The following FRMD8 variants were observed in gnomAD, a reference collection of about 807,000 sequenced individuals.
FRMD8 encodes FERM domain containing 8, also known as FERM domain-containing protein 8.
In FRMD8, 37 loss-of-function variants were observed where a neutral mutation model predicts 54.2. The ratio of observed to expected loss-of-function variants is 0.68; its 90% confidence interval spans 0.53 to 0.90. The LOEUF is 0.90. FRMD8 is among the 40% of genes least tolerant of loss of function. FRMD8 has a pLI of 0.00. For missense variants in FRMD8, 585 were observed against 653.7 expected, an observed-to-expected ratio of 0.89 and a Z score of 1.15; for synonymous variants, 246 against 286.9, an observed-to-expected ratio of 0.86 and a Z score of 1.44.
chr11:65,396,284 G>A (rs906620106), intron 6 of FRMD8, among the ~76,000 whole-genome samples: 19 of 152,352 alleles, frequency 1.2e-4, no homozygotes, highest in Non-Finnish European at 2.1e-4. Context: ...GGAAGTGCAG[G>A]AAGGTGGGGC....
the FRMD8 span, chr11:65,377,503 A>AAG: frequency 1.2e-6 from 1 of 801,600 alleles, no homozygotes; most frequent in African/African-American, 1.9e-5. Flanking sequence ...CCCAGGGTGA[A>AAG]GGAGGTCCCC....
At chr11:65,403,312 A>G (rs139167323) in intron 9 of FRMD8, among the ~76,000 whole-genome samples, 2 of 152,218 alleles carry the variant, frequency 1.3e-5, no homozygotes, top group African/African-American at 2.4e-5. Flanking sequence ...CCTCCTGAGT[A>G]GCTGGGATTA....
Position 65,396,847 on chromosome 11 carries a change from G to A in FRMD8, c.630G>A (p.Gln210=), listed in dbSNP as rs1481947257. ...CTGCCCACCTCTGTAAGCGGGGCCA[G>A]AGTCTCTTTGCTGCCCTCCGGGGCC... ...FLPAHLCKRG[Q]SLFAALRGRG... is the part of the protein sequence containing the mutation. The change falls in exon 7 of 11, where the codon CAG becomes CAA. Residue 210 remains glutamine, a synonymous_variant. Coordinates refer to ENST00000317568, the MANE Select transcript of FRMD8 (RefSeq NM_031904.5). 6.4e-7 allele frequency: 1 copy of A among 1,564,074 alleles called. No individual in the cohort carries two copies. The highest frequency in any genetic ancestry group is 2.4e-5 in the East Asian group (1 of 41,176).
rs562178741 is a variant in FRMD8, at chr11:65,386,829, G to A, written c.-1+68G>A. On this transcript the variant is annotated intron_variant, in intron 1 of 10. Transcript: ENST00000317568. ...TGGGCGTGCGCCTTGCCCTGCCTGG[G>A]CATCCAGGTCGACCCCCGGTTCTTG... is the stretch of plus-strand genomic sequence containing the variant. 133 of 568,622 alleles carry A rather than the reference G, an allele frequency of 2.3e-4. No homozygotes were observed. In the Admixed American group the frequency reaches 4.1e-3, roughly 17 times the overall value. The allele number at this position is 568,622 out of a possible 1,614,324, so 35.2% of individuals were successfully genotyped here. A position where few individuals can be genotyped will look rare whatever the true frequency, so the allele number is the denominator to read the frequency against.
At chr11:65,409,835 T>C (rs1479560690) in intron 10 of FRMD8, among the ~76,000 whole-genome samples, 4 of 151,942 alleles carry the variant, frequency 2.6e-5, no homozygotes, top group Non-Finnish European at 5.9e-5. Flanking sequence ...TCTCAGTACT[T>C]TGGGAGACAG....
At chr11:65,403,275 T>G (rs1856120538) in intron 9 of FRMD8, among the ~76,000 whole-genome samples, 1 of 152,160 alleles carries the variant, frequency 6.6e-6, no homozygotes, top group Non-Finnish European at 1.5e-5. Flanking sequence ...CTCCGCCTCC[T>G]AGGTTCAAGC....
chr11:65,401,080 G>A lies in FRMD8; in HGVS notation c.1071+213G>A, dbSNP rs147046624. On this transcript the variant is annotated intron_variant, in intron 9 of 10. Transcript: ENST00000317568. ...AGGCCTGGTCTGCAGACTCCACGCC[G>A]GTGGTGGTGGCAGCTGTGGGGTTCG... Among the ~76,000 whole-genome samples, 440 of 152,182 alleles carry A rather than the reference G, an allele frequency of 2.9e-3. 2 individuals carry two copies. Among genetic ancestry groups the A allele is most frequent in the African/African-American group, 9.9e-3 (409 of 41,522 alleles).
chr11:65,399,279 A>G (rs1024118689), intron 7 of FRMD8, among the ~76,000 whole-genome samples: 3 of 152,028 alleles, frequency 2.0e-5, no homozygotes, highest in African/African-American at 7.2e-5. Flanking sequence ...GATCACAGGC[A>G]TGAGCCACCG....
rs764129959 is a variant in FRMD8, at chr11:65,411,297, G to C, written c.1332G>C (p.Gln444His). The C allele has an allele frequency of 2.5e-6, 4 of 1,609,574 alleles. No individual in the cohort carries two copies. In the South Asian group the frequency reaches 4.4e-5, roughly 18 times the overall value. ...GCACCACATCCTTCTTCAGCCGGCA[G>C]CTGTCCTTGGGCCAGGGGAGCTACA... ...PKRTTSFFSR[Q>H]LSLGQGSYTV... Residue 444 changes from glutamine to histidine, a missense_variant, in exon 11 of 11, where the codon CAG becomes CAC. Physicochemically the swap from Gln to His is conservative, Grantham distance 24 (BLOSUM62 0). Coordinates refer to ENST00000317568, the MANE Select transcript of FRMD8 (RefSeq NM_031904.5).
At chr11:65,402,086 C>T (rs1481840019) in intron 9 of FRMD8, among the ~76,000 whole-genome samples, 2 of 152,050 alleles carry the variant, frequency 1.3e-5, no homozygotes, top group Admixed American at 6.6e-5. Context: ...TGGTGGATCA[C>T]GCCTGTAATC....
In FRMD8 at chr11:65,396,990, T is replaced by C; in HGVS notation, c.773T>C (p.Leu258Pro). ...CTGGGCACCCACTACCGCGCCTATC[T>C]CCTCAAGTGCCACGAGCTGCCGTTT... is the stretch of plus-strand genomic sequence containing the variant. Reference protein sequence around the residue: ...AALGTHYRAYLLKCHELPFYG... With the variant: ...AALGTHYRAYPLKCHELPFYG... Residue 258 changes from leucine (L) to proline (P), a missense_variant, in exon 7 of 11, where the codon CTC (leucine) becomes CCC (proline). Physicochemically the swap from Leu to Pro is moderately conservative, Grantham distance 98. Coordinates refer to ENST00000317568, the MANE Select transcript of FRMD8 (RefSeq NM_031904.5). 6.8e-7 allele frequency: 1 copy of C among 1,472,056 alleles called. No homozygotes were observed. Among genetic ancestry groups the C allele is most frequent in the Non-Finnish European group, 9.0e-7 (1 of 1,106,032 alleles). 91.2% of individuals were successfully genotyped at this position (1,472,056 alleles called of 1,614,324 possible).
At chr11:65,405,191 T>C in intron 10 of FRMD8, 123 bp downstream of exon 10, 1 of 943,648 alleles carries the variant, frequency 1.1e-6, no homozygotes, top group Non-Finnish European at 1.6e-6. Flanking sequence ...GGCCTCCATC[T>C]CAGGACACAG....
chr11:65,408,271 TC>T (rs1856252253), intron 10 of FRMD8, among the ~76,000 whole-genome samples: 1 of 151,816 alleles, frequency 6.6e-6, no homozygotes, highest in African/African-American at 2.4e-5. Context: ...ACGGAGTTTC[TC>T]CATGTTGGTC....
chr11:65,371,790 A>AT, the FRMD8 span, among the ~76,000 whole-genome samples: 1 of 150,960 alleles, frequency 6.6e-6, no homozygotes, highest in Non-Finnish European at 1.5e-5. Context: ...AATTTTTTGT[A>AT]TTTTTAGTAG....
At chr11:65,390,433 G>A (rs1161054457) in intron 3 of FRMD8, among the ~76,000 whole-genome samples, 2 of 152,136 alleles carry the variant, frequency 1.3e-5, no homozygotes, top group Admixed American at 6.5e-5. Flanking sequence ...CCCATTGAGG[G>A]AGTGCGTAGG....
the FRMD8 span, chr11:65,379,319 C>T: frequency 1.2e-4 from 188 of 1,584,524 alleles, no homozygotes; most frequent in Middle Eastern, 1.8e-4. Context: ...TGGGAGAGGA[C>T]AGATCGAGAT....
intron 3 of FRMD8, among the ~76,000 whole-genome samples, chr11:65,390,850 C>T (rs115497248): frequency 7.2e-4 from 110 of 152,392 alleles, no homozygotes; most frequent in African/African-American, 1.9e-3. Context: ...CACCACATTC[C>T]GGCTCTCCCA....
At chr11:65,380,219 G>A in the FRMD8 span, 1 of 1,613,864 alleles carries the variant, frequency 6.2e-7, no homozygotes, top group Non-Finnish European at 8.5e-7. Context: ...CCTCGTGCCA[G>A]GCCCAGGAAG....
chr11:65,377,063 G>T, the FRMD8 span: 3 of 1,613,824 alleles, frequency 1.9e-6, no homozygotes, highest in Middle Eastern at 1.7e-4. Flanking sequence ...GTCAAAAGGA[G>T]CCAGACAGTA....
Sources: gnomAD v4.1 joint callset for allele counts (sites outside exome capture counted in the v4.1 genomes callset) on GRCh38, gnomAD v4.1.1 for gene constraint, MANE v1.5 for transcripts, NCBI Gene and HGNC (gene_info 2026-07-23, HGNC 2026-07-21) for gene names.